Variants in ZNF280D observed in about 807,000 individuals in gnomAD.
The protein encoded by ZNF280D is suppressor of hairy wing homolog 4.
A neutral mutation model predicts 94.7 loss-of-function variants in ZNF280D; 39 were observed. The observed-to-expected ratio is 0.41, with a 90% CI of 0.32 to 0.54. The LOEUF (loss-of-function observed/expected upper bound fraction) is 0.54. Among genes scored for constraint, ZNF280D ranks in the 20% least tolerant of loss-of-function variants. The pLI, the probability that ZNF280D is intolerant of heterozygous loss-of-function variation, is 0.22. For missense variants in ZNF280D, 1,090 were observed against 1,149.3 expected, an observed-to-expected ratio of 0.95 and a Z score of 0.75; for synonymous variants, 398 against 377.6, an observed-to-expected ratio of 1.05 and a Z score of -0.63.
intron 1 of ZNF280D, among the ~76,000 whole-genome samples, chr15:56,729,146 A>C (rs927065663): frequency 8.1e-6 from 1 of 123,280 alleles, no homozygotes; most frequent in Admixed American, 8.1e-5. Context: ...ATGAAATATG[A>C]TAAGCTTGGA....
At chr15:56,644,077 T>A (rs2052761854) in intron 19 of ZNF280D, among the ~76,000 whole-genome samples, 1 of 152,030 alleles carries the variant, frequency 6.6e-6, no homozygotes, top group Admixed American at 6.5e-5. Context: ...CTGTATGAAA[T>A]TACTTATCTG....
intron 12 of ZNF280D, 135 bp downstream of exon 12, chr15:56,677,439 C>T (rs990931358): frequency 6.9e-5 from 41 of 591,764 alleles, no homozygotes; most frequent in Admixed American, 4.8e-4. Context: ...AGCTTGCTGC[C>T]TATCCCTCAT....
At chr15:56,670,942 GT>G (rs796233583) in intron 13 of ZNF280D, among the ~76,000 whole-genome samples, 16 of 151,756 alleles carry the variant, frequency 1.1e-4, no homozygotes, top group African/African-American at 2.9e-4. Context: ...GTGATGTTGA[GT>G]TTTTTTTCAT....
chr15:56,657,832 A>C (rs2053653135), intron 17 of ZNF280D, among the ~76,000 whole-genome samples: 1 of 152,174 alleles, frequency 6.6e-6, no homozygotes. Context: ...AACGCTCAGC[A>C]TGGAGTTATC....
At chr15:56,644,957 C>T (rs2052806820) in intron 19 of ZNF280D, among the ~76,000 whole-genome samples, 1 of 152,112 alleles carries the variant, frequency 6.6e-6, no homozygotes, top group Non-Finnish European at 1.5e-5. Flanking sequence ...ATCGTAATAA[C>T]TAGTGAACAC....
At chr15:56,634,732 CA>C (rs1388836573) in intron 21 of ZNF280D, among the ~76,000 whole-genome samples, 6 of 152,016 alleles carry the variant, frequency 3.9e-5, no homozygotes, top group African/African-American at 1.4e-4. Context: ...AACATTCTAC[CA>C]AAGTATGAAA....
Position 56,631,466 on chromosome 15 carries a change from C to G in ZNF280D, c.*32G>C, listed in dbSNP as rs748530072. On this transcript the variant is annotated 3_prime_UTR_variant, in exon 22 of 22. Coordinates refer to ENST00000267807, the MANE Select transcript of ZNF280D (RefSeq NM_017661.4). ...ATAGCACTGTTCCAAATGCCCTTAT[C>G]GTTGGTACACTGAAACTTAAAATGA... is the stretch of plus-strand genomic sequence containing the variant. The G allele has an allele frequency of 1.3e-5, 21 of 1,600,074 alleles. No individual in the cohort carries two copies. Among genetic ancestry groups the G allele is most frequent in the Non-Finnish European group, 1.6e-5 (19 of 1,171,520 alleles).
chr15:56,720,532 T>A (rs763678876), intron 1 of ZNF280D, among the ~76,000 whole-genome samples: 4 of 152,202 alleles, frequency 2.6e-5, no homozygotes, highest in Non-Finnish European at 5.9e-5. Flanking sequence ...TGATCTTAAT[T>A]GGATCTAGAA....
intron 10 of ZNF280D, 131 bp downstream of exon 10, chr15:56,682,103 AGCTTTTCAACAAGAGAATCC>A (rs2055657775): frequency 1.8e-6 from 1 of 544,572 alleles, no homozygotes; most frequent in African/African-American, 2.0e-5. Flanking sequence ...GAAAGGACAG[AGCTTTTCAACAAGAGAATCC>A]GCCTTTATTC....
chr15:56,701,401 C>T (rs1181685341), intron 4 of ZNF280D, among the ~76,000 whole-genome samples, 163 bp from the exon 5 acceptor site: 1 of 151,840 alleles, frequency 6.6e-6, no homozygotes, highest in African/African-American at 2.4e-5. Context: ...ACATCTTTAC[C>T]TACTAAAGAA....
chr15:56,645,752 G>A (rs2052854186), intron 19 of ZNF280D, among the ~76,000 whole-genome samples: 2 of 152,042 alleles, frequency 1.3e-5, no homozygotes, highest in East Asian at 1.9e-4. Context: ...TCATCATATT[G>A]GTCAGGCTGG....
At chr15:56,658,534 C>T in intron 16 of ZNF280D, 48 bp from the exon 17 acceptor site, 1 of 1,319,030 alleles carries the variant, frequency 7.6e-7, no homozygotes, top group East Asian at 2.6e-5. Context: ...CAATAAGTCA[C>T]ATTAATTTAT....
chr15:56,709,141 A>T (rs1472184392), intron 1 of ZNF280D, among the ~76,000 whole-genome samples: 3 of 152,184 alleles, frequency 2.0e-5, no homozygotes, highest in Admixed American at 6.6e-5. Flanking sequence ...GAATCTACAA[A>T]GAACTCAAAC....
chr15:56,669,924 A>T lies in ZNF280D; in HGVS notation c.1411-967T>A, dbSNP rs1209395665. Among the ~76,000 whole-genome samples the T allele has an allele frequency of 6.9e-3, 46 of 6,700 alleles. 16 individuals are homozygous for T. Among genetic ancestry groups the T allele is most frequent in the African/African-American group, 0.018 (41 of 2,278 alleles). 4.4% of individuals were successfully genotyped at this position (6,700 alleles called of 152,430 possible). On this transcript the variant is annotated intron_variant, in intron 13 of 21. Transcript: ENST00000267807. ...TATAATATATATATATTATATATAT[A>T]TTATATATATATTATATATATATAT... is the stretch of plus-strand genomic sequence containing the variant.
chr15:56,686,175 G>C (rs2141037117), intron 9 of ZNF280D, among the ~76,000 whole-genome samples: 1 of 152,314 alleles, frequency 6.6e-6, no homozygotes, highest in Non-Finnish European at 1.5e-5. Context: ...GTCTCACTCT[G>C]TTACCCAGGC....
At chr15:56,683,580 C>T (rs2055788360) in intron 9 of ZNF280D, among the ~76,000 whole-genome samples, 1 of 152,114 alleles carries the variant, frequency 6.6e-6, no homozygotes, top group African/African-American at 2.4e-5. Flanking sequence ...ATATCAGGCA[C>T]CATCTATCTA....
At position 56,709,777 on chromosome 15, in the gene ZNF280D, A is replaced by C; in HGVS notation, c.-85-2471T>G. 1.3e-5 allele frequency among the ~76,000 whole-genome samples: 2 copies of C among 152,098 alleles called. 1 individual carries two copies. The highest frequency in any genetic ancestry group is 6.3e-3 in the Middle Eastern group (2 of 316). On this transcript the variant is annotated intron_variant, in intron 1 of 21. Coordinates refer to ENST00000267807, the MANE Select transcript of ZNF280D (RefSeq NM_017661.4). ...ACAAGGACAAAAAAACAAACACTACATGTTCTCACTCATAGATGGGAATTG... is the reference window on the plus strand; with the variant it reads ...ACAAGGACAAAAAAACAAACACTACCTGTTCTCACTCATAGATGGGAATTG...
At position 56,654,408 on chromosome 15, in the gene ZNF280D, G is replaced by A. The variant is rs1328518610; in HGVS notation, c.2153C>T (p.Thr718Ile). The change falls in exon 18 of 22, where the codon ACT (threonine) becomes ATT (isoleucine). Residue 718 changes from threonine (T) to isoleucine (I), a missense_variant. Physicochemically the swap from Thr to Ile is moderately conservative, Grantham distance 89. This residue lies in a region of ZNF280D where 577 missense variants were observed against 568.8 expected (regional missense o/e 1.01). Transcript: ENST00000267807. Reference sequence around the variant, plus strand: ...ACCTTTCTGCATTACAACTTGGCAAGTATGAGTTTTATGTTGACTTAAGTG... The same window carrying A: ...ACCTTTCTGCATTACAACTTGGCAAATATGAGTTTTATGTTGACTTAAGTG... ...ATHLSQHKTH[T>I]CQVVMQKVSV... 6.2e-7 allele frequency: 1 copy of A among 1,605,992 alleles called. No homozygotes were observed. The highest frequency in any genetic ancestry group is 8.5e-7 in the Non-Finnish European group (1 of 1,178,002).
chr15:56,644,191 C>T (rs778055673), intron 19 of ZNF280D, among the ~76,000 whole-genome samples: 1 of 151,884 alleles, frequency 6.6e-6, no homozygotes. Flanking sequence ...ACTTGTTAAG[C>T]CAATTAAAAT....
Sources: allele counts gnomAD v4.1 joint callset (sites outside exome capture counted in the v4.1 genomes callset), GRCh38; gene constraint gnomAD v4.1.1; regional missense constraint gnomAD v4.1.1; transcripts MANE v1.5; gene names NCBI Gene and HGNC (gene_info 2026-07-23, HGNC 2026-07-21).